PPP1R13L: variants seen among roughly 807,000 people sequenced by gnomAD.
The protein encoded by PPP1R13L is protein phosphatase 1 regulatory subunit 13 like, also known as relA-associated inhibitor.
PPP1R13L carries 50 observed loss-of-function variants against 80.9 expected under a neutral mutation model. The observed-to-expected ratio is 0.62, with a 90% CI of 0.49 to 0.78. PPP1R13L has a LOEUF of 0.78. PPP1R13L is among the 30% of genes least tolerant of loss of function. The probability of loss-of-function intolerance (pLI) is 0.00; values close to 1 mark genes in which losing one functional copy is unlikely to be tolerated. For missense variants in PPP1R13L, 1,200 were observed against 1,205.9 expected (o/e 1.00, Z 0.07); for synonymous variants, 602 against 534.3 (o/e 1.13, Z -1.75).
chr19:45,396,027 C>T lies in PPP1R13L; in HGVS notation c.903+141G>A. 1 of 1,283,478 alleles carries T rather than the reference C, an allele frequency of 7.8e-7. No individual in the cohort carries two copies. Among genetic ancestry groups the T allele is most frequent in the South Asian group, 1.4e-5 (1 of 71,500 alleles). The allele number at this position is 1,283,478 out of a possible 1,614,324, so 79.5% of individuals were successfully genotyped here. A position where few individuals can be genotyped will look rare whatever the true frequency, so the allele number is the denominator to read the frequency against. On this transcript the variant is annotated intron_variant, in intron 6 of 12. Transcript: ENST00000360957. The surrounding 1 kb of genome is among the most constrained non-coding windows in gnomAD (Gnocchi z 5.3). ...GAAAGGGTGAGGAAGGAGCAGAAAC[C>T]CAGCACAGTGAAGGGAGAGCGTGGG...
chr19:45,386,516 T>A (rs939265895), intron 8 of PPP1R13L, among the ~76,000 whole-genome samples: 3 of 152,198 alleles, frequency 2.0e-5, no homozygotes, highest in Non-Finnish European at 4.4e-5. Flanking sequence ...CACATTTCTT[T>A]TGTTAATAAT....
chr19:45,386,244 T>C, intron 8 of PPP1R13L, 64 bp from the exon 9 acceptor site: 1 of 1,432,492 alleles, frequency 7.0e-7, no homozygotes, highest in Non-Finnish European at 9.1e-7. Flanking sequence ...TGATCTAGAG[T>C]AGGAAACAGA....
chr19:45,392,759 G>A (rs2123373817), intron 7 of PPP1R13L: 1 of 284,520 alleles, frequency 3.5e-6, no homozygotes, highest in South Asian at 3.3e-5. Context: ...GATCCTGAGA[G>A]TTTCCTCTCC....
chr19:45,402,811 C>T (rs1973259924), intron 1 of PPP1R13L, among the ~76,000 whole-genome samples: 1 of 152,236 alleles, frequency 6.6e-6, no homozygotes, highest in South Asian at 2.1e-4. Flanking sequence ...CCTGGCTCTC[C>T]TTCCCTGGCC....
chr19:45,390,205 C>T (rs1972944167), intron 8 of PPP1R13L, among the ~76,000 whole-genome samples: 1 of 152,144 alleles, frequency 6.6e-6, no homozygotes, highest in Admixed American at 6.6e-5. Flanking sequence ...ATTCTCTTGC[C>T]TCAGCCTCCT....
At chr19:45,395,333 G>A (rs1973059132) in intron 7 of PPP1R13L, 103 bp downstream of exon 7, 2 of 1,437,688 alleles carry the variant, frequency 1.4e-6, no homozygotes. Flanking sequence ...TGCTTGTAAA[G>A]AGGCATTTGG....
chr19:45,390,059 G>A (rs914286998), intron 8 of PPP1R13L, among the ~76,000 whole-genome samples: 17 of 151,102 alleles, frequency 1.1e-4, no homozygotes, highest in Non-Finnish European at 2.1e-4. Flanking sequence ...CCAAAATGCT[G>A]GGATTACAGG....
chr19:45,392,013 C>G lies in PPP1R13L; in HGVS notation c.1682G>C (p.Gly561Ala), dbSNP rs200307247. 1 of 1,539,538 alleles carries G rather than the reference C, an allele frequency of 6.5e-7. No homozygotes were observed. Among genetic ancestry groups the G allele is most frequent in the Non-Finnish European group, 8.7e-7 (1 of 1,146,610 alleles). ...GATGGGGGACAGCTCTGGCTCCGGC[C>G]CCCCGGGCCCTGGCCCCCCATGACG... ...FHRHGGPGPG[G>A]PEPELSPITE... Residue 561 changes from glycine to alanine, a missense_variant, in exon 8 of 13, where the codon GGG (glycine) becomes GCG (alanine). This residue lies in a region of PPP1R13L where 214 missense variants were observed against 199.6 expected (regional missense o/e 1.07). Coordinates refer to ENST00000360957, the MANE Select transcript of PPP1R13L (RefSeq NM_006663.4).
At chr19:45,397,446 T>A (rs1599775904) in intron 3 of PPP1R13L, among the ~76,000 whole-genome samples, 1 of 103,364 alleles carries the variant, frequency 9.7e-6, no homozygotes, top group South Asian at 4.3e-4. Flanking sequence ...CCTCCCTCCC[T>A]CCCTGCTTGC....
chr19:45,398,493 C>G (rs1163602185), intron 1 of PPP1R13L, among the ~76,000 whole-genome samples, 154 bp from the exon 2 acceptor site: 18 of 152,154 alleles, frequency 1.2e-4, no homozygotes, highest in Admixed American at 1.2e-3. Context: ...TGGGAAATGC[C>G]AACTCCTCCA....
chr19:45,397,472 C>CTCTT (rs71173161), intron 3 of PPP1R13L, among the ~76,000 whole-genome samples: 4,137 of 83,232 alleles, frequency 0.05, 139 homozygotes, highest in East Asian at 0.095. Flanking sequence ...TTCTCTCTCT[C>CTCTT]TCTTTCTTTC....
chr19:45,390,185 G>T (rs2123366448), intron 8 of PPP1R13L, among the ~76,000 whole-genome samples: 1 of 152,174 alleles, frequency 6.6e-6, no homozygotes, highest in East Asian at 1.9e-4. Flanking sequence ...CCGCCTTCCG[G>T]GTTTAAGCGA....
intron 3 of PPP1R13L, among the ~76,000 whole-genome samples, chr19:45,397,565 C>T (rs1029559600): frequency 1.8e-4 from 27 of 150,418 alleles, no homozygotes; most frequent in African/African-American, 6.6e-4. Flanking sequence ...TAGTGTGATC[C>T]TCCCACTTCA....
chr19:45,386,921 C>A (rs924991453), intron 8 of PPP1R13L, among the ~76,000 whole-genome samples: 1 of 150,676 alleles, frequency 6.6e-6, no homozygotes, highest in Admixed American at 6.6e-5. Context: ...CAGGTGTGAG[C>A]CACTGTGCCC....
chr19:45,391,680 A>T (rs1972975117), intron 8 of PPP1R13L, among the ~76,000 whole-genome samples, 200 bp downstream of exon 8: 1 of 152,170 alleles, frequency 6.6e-6, no homozygotes, highest in Non-Finnish European at 1.5e-5. Context: ...TCCCCGATGG[A>T]TGGCAGAGCC....
intron 1 of PPP1R13L, among the ~76,000 whole-genome samples, chr19:45,401,836 CTG>C (rs1973238850): frequency 6.6e-6 from 1 of 152,014 alleles, no homozygotes. Context: ...ATGGTAGCTT[CTG>C]CCTGTAATCC....
upstream of PPP1R13L, among the ~76,000 whole-genome samples, chr19:45,405,552 T>C (rs1047778714): frequency 2.0e-5 from 3 of 152,174 alleles, no homozygotes; most frequent in Non-Finnish European, 2.9e-5. Flanking sequence ...CCTGTGGGAA[T>C]TGTAGTCCTG....
At position 45,396,826 on chromosome 19, in the gene PPP1R13L, C is replaced by T; in HGVS notation, c.431G>A (p.Arg144His). 1.4e-6 allele frequency: 2 copies of T among 1,470,916 alleles called. No homozygotes were observed. Among genetic ancestry groups the T allele is most frequent in the South Asian group, 1.3e-5 (1 of 75,646 alleles). 91.1% of individuals were successfully genotyped at this position (1,470,916 alleles called of 1,614,324 possible). ...SLDRATSPRP[R>H]AFDGAGSSLG... is the part of the protein sequence containing the mutation. The stretch of plus-strand genomic sequence containing the variant: ...GGAGCTGCCTGCGCCATCGAAGGCG[C>T]GGGGCCGGGGCGAGGTCGCGCGGTC... Residue 144 changes from arginine (R) to histidine (H), a missense_variant, in exon 4 of 13, where the codon CGC becomes CAC. By Grantham distance (29) the Arg-to-His change is conservative. This residue lies in a region of PPP1R13L where 764 missense variants were observed against 714.5 expected (regional missense o/e 1.07). Transcript: ENST00000360957. This position sits in a 1 kb window ranked among gnomAD's most constrained non-coding sequence, Gnocchi z 5.3.
chr19:45,403,312 C>G (rs1362723435), intron 1 of PPP1R13L, among the ~76,000 whole-genome samples: 1 of 151,790 alleles, frequency 6.6e-6, no homozygotes, highest in African/African-American at 2.4e-5. Flanking sequence ...TTTTTTTTTC[C>G]CCTAAAAGGG....
Sources: allele counts gnomAD v4.1 joint callset (sites outside exome capture counted in the v4.1 genomes callset), GRCh38; gene constraint gnomAD v4.1.1; regional missense constraint gnomAD v4.1.1; non-coding constraint Gnocchi (gnomAD v3.1); transcripts MANE v1.5; gene names NCBI Gene and HGNC (gene_info 2026-07-23, HGNC 2026-07-21).